The following OIT3 variants were observed in gnomAD, a reference collection of about 807,000 sequenced individuals.
The protein encoded by OIT3 is oncoprotein induced transcript 3, also known as oncoprotein-induced transcript 3 protein.
Under a neutral mutation model 52.2 loss-of-function variants are expected in OIT3, and 41 were observed. That is an observed-to-expected ratio of 0.79 (90% CI 0.61 to 1.02). OIT3 has a LOEUF of 1.02. Among genes scored for constraint, OIT3 ranks in the 50% least tolerant of loss-of-function variants. The pLI is 0.00. For synonymous variants in OIT3, 244 were observed against 276.9 expected (o/e 0.88, Z 1.18); for missense variants, 634 against 715.5 (o/e 0.89, Z 1.30).
intron 3 of OIT3, among the ~76,000 whole-genome samples, chr10:72,901,708 G>T (rs1319097454): frequency 6.6e-6 from 1 of 152,014 alleles, no homozygotes; most frequent in Non-Finnish European, 1.5e-5. Context: ...CGACATCCTG[G>T]GCCCAAGTAG....
chr10:72,910,984 AT>A (rs886125800), intron 4 of OIT3, among the ~76,000 whole-genome samples: 37 of 149,592 alleles, frequency 2.5e-4, no homozygotes, highest in African/African-American at 6.4e-4. Context: ...CACAAAGGTC[AT>A]TTTTTTTTTC....
In OIT3 at chr10:72,918,523, C is replaced by T. The variant is rs186817599; in HGVS notation, c.951+5055C>T. On this transcript the variant is annotated intron_variant, in intron 6 of 8. Transcript: ENST00000334011. ...TCAGGAGGCTCATGTCCATGTCCATCGAATCTTCCATCGGGTGGCGGCACA... is the reference window on the plus strand; with the variant it reads ...TCAGGAGGCTCATGTCCATGTCCATTGAATCTTCCATCGGGTGGCGGCACA... 19 of 1,415,558 alleles carry T rather than the reference C, an allele frequency of 1.3e-5. No individual in the cohort carries two copies. In the African/African-American group the frequency reaches 1.5e-4, roughly 11 times the overall value. 87.7% of individuals were successfully genotyped at this position (1,415,558 alleles called of 1,614,324 possible).
At chr10:72,930,481 GT>G in intron 7 of OIT3, 56 bp from the exon 8 acceptor site, 1 of 1,318,914 alleles carries the variant, frequency 7.6e-7, no homozygotes, top group Non-Finnish European at 1.1e-6. Flanking sequence ...GGGTTAGATT[GT>G]TTTTCCACCT....
At chr10:72,908,919 TA>T (rs59056530) in intron 4 of OIT3, among the ~76,000 whole-genome samples, 9 of 151,106 alleles carry the variant, frequency 6.0e-5, no homozygotes, top group East Asian at 5.8e-4. Flanking sequence ...TCTTTTTTTT[TA>T]AAAAAAAGGC....
Position 72,905,846 on chromosome 10 carries a change from C to G in OIT3, c.545-750C>G, listed in dbSNP as rs542447707. Among the ~76,000 whole-genome samples the G allele has an allele frequency of 4.6e-5, 7 of 152,304 alleles. No individual in the cohort carries two copies. The South Asian group carries it at 1.5e-3, about 32-fold the overall frequency. On this transcript the variant is annotated intron_variant, in intron 3 of 8. Transcript: ENST00000334011. ...CTAGACTTAAGCAGGGTTTCAGTCA[C>G]AGCTTATCTCCTCTCCTGGGGCCAA...
At position 72,932,579 on chromosome 10, in the gene OIT3, T is replaced by TC; in HGVS notation, c.*61dup. On this transcript the variant is annotated 3_prime_UTR_variant, in exon 9 of 9. Coordinates refer to ENST00000334011, the MANE Select transcript of OIT3 (RefSeq NM_152635.3). ...GGACGGCTCTGCTCTTTGGAGCTTC[T>TC]CCCCCCACCGCCCTCTAAGAACATC... 3 of 1,475,204 alleles carry TC rather than the reference T, an allele frequency of 2.0e-6. No individual in the cohort carries two copies. Among genetic ancestry groups the TC allele is most frequent in the Non-Finnish European group, 2.7e-6 (3 of 1,092,912 alleles). 91.4% of individuals were successfully genotyped at this position (1,475,204 alleles called of 1,614,324 possible). A position where few individuals can be genotyped will look rare whatever the true frequency, so the allele number is the denominator to read the frequency against.
intron 1 of OIT3, 72 bp downstream of exon 1, chr10:72,893,931 T>A: frequency 9.4e-7 from 1 of 1,060,760 alleles, no homozygotes; most frequent in Non-Finnish European, 1.4e-6. Flanking sequence ...TACAGATGAT[T>A]AAGAACTAGA....
At chr10:72,931,109 G>C (rs1313228086) in intron 8 of OIT3, among the ~76,000 whole-genome samples, 1 of 152,042 alleles carries the variant, frequency 6.6e-6, no homozygotes, top group Non-Finnish European at 1.5e-5. Flanking sequence ...ACACTTACAA[G>C]GTTATAGGGA....
rs769713678 is a variant in OIT3, at chr10:72,898,907, G to C, written c.305G>C (p.Arg102Pro). 4 of 1,614,194 alleles carry C rather than the reference G, an allele frequency of 2.5e-6. No individual in the cohort carries two copies. Among genetic ancestry groups the C allele is most frequent in the Non-Finnish European group, 2.5e-6 (3 of 1,180,038 alleles). ...HPLEGDGIVQ[R>P]QACASFNGNC... ...CTAGAAGGCGACGGCATTGTGCAAC[G>C]CCAGGCTTGTGCCAGCTTCAATGGG... is the stretch of plus-strand genomic sequence containing the variant. The change falls in exon 2 of 9, where the codon CGC becomes CCC. Residue 102 changes from arginine (R) to proline (P), a missense_variant. Coordinates refer to ENST00000334011, the MANE Select transcript of OIT3 (RefSeq NM_152635.3).
rs1293435967 is a variant in OIT3, at chr10:72,898,940, G to A, written c.338G>A (p.Cys113Tyr). The change falls in exon 2 of 9, where the codon TGT becomes TAT. Residue 113 changes from cysteine (C) to tyrosine (Y), a missense_variant. Physicochemically the swap from Cys to Tyr is radical, Grantham distance 194. Transcript: ENST00000334011. ...TGTGCCAGCTTCAATGGGAACTGCT[G>A]TCTCTGGAACACCACGGTGGAAGTC... ...QACASFNGNC[C>Y]LWNTTVEVKA... 2 of 1,614,194 alleles carry A rather than the reference G, an allele frequency of 1.2e-6. No homozygotes were observed. Among genetic ancestry groups the A allele is most frequent in the Non-Finnish European group, 1.7e-6 (2 of 1,180,036 alleles).
intron 4 of OIT3, among the ~76,000 whole-genome samples, chr10:72,910,292 C>G (rs898839108): frequency 3.9e-5 from 6 of 152,088 alleles, no homozygotes; most frequent in Admixed American, 2.6e-4. Context: ...GTGCTTTCTT[C>G]TATAGTATTA....
chr10:72,911,271 G>C (rs1006024655), intron 4 of OIT3, among the ~76,000 whole-genome samples: 1 of 152,144 alleles, frequency 6.6e-6, no homozygotes, highest in African/African-American at 2.4e-5. Flanking sequence ...AGGTGACCCA[G>C]CCAGTCCACA....
At chr10:72,901,917 C>T (rs1404254557) in intron 3 of OIT3, among the ~76,000 whole-genome samples, 1 of 152,074 alleles carries the variant, frequency 6.6e-6, no homozygotes, top group Admixed American at 6.6e-5. Flanking sequence ...TGGCAGCCTT[C>T]CAAAGTAGCT....
chr10:72,927,608 G>A (rs1257752957), intron 7 of OIT3, among the ~76,000 whole-genome samples: 4 of 152,246 alleles, frequency 2.6e-5, no homozygotes, highest in South Asian at 2.1e-4. Flanking sequence ...AAATCATCCC[G>A]TCTGTGGTGC....
chr10:72,901,495 G>C (rs1278639570), intron 3 of OIT3, among the ~76,000 whole-genome samples: 1 of 152,192 alleles, frequency 6.6e-6, no homozygotes, highest in Non-Finnish European at 1.5e-5. Context: ...TTTAAAACAA[G>C]TCTAGAGAGA....
rs755099594 is a variant in OIT3, at chr10:72,924,389, A to G, written c.1112A>G (p.Asn371Ser). The G allele has an allele frequency of 9.9e-6, 16 of 1,613,924 alleles. No homozygotes were observed. The highest frequency in any genetic ancestry group is 2.2e-5 in the East Asian group (1 of 44,882). The change falls in exon 7 of 9, where the codon AAC (asparagine) becomes AGC (serine). Residue 371 changes from asparagine (N) to serine (S), a missense_variant. Transcript: ENST00000334011. ...LYTISEGYVP[N>S]LRNSPLEIMS... is the part of the protein sequence containing the mutation. ...ACCATTTCTGAAGGATACGTTCCCA[A>G]CCTTCGAAACTCCCCACTGGAAATC... is the stretch of plus-strand genomic sequence containing the variant.
intron 7 of OIT3, among the ~76,000 whole-genome samples, chr10:72,927,035 A>G (rs1481487366): frequency 6.6e-6 from 1 of 152,244 alleles, no homozygotes; most frequent in Non-Finnish European, 1.5e-5. Flanking sequence ...GAATATAATC[A>G]TAACTCACTG....
Position 72,913,316 on chromosome 10 carries a change from T to G in OIT3, c.799T>G (p.Leu267Val), listed in dbSNP as rs1032850717. Reference sequence around the variant, plus strand: ...GCCCTTTTTCTCTGCAGTCCCTGTGTTGTGCAAATCAAATGCCATTGAAGT... The same window carrying G: ...GCCCTTTTTCTCTGCAGTCCCTGTGGTGTGCAAATCAAATGCCATTGAAGT... ...EDNHTCQVPVLCKSNAIEVNI... is the reference protein window; with the variant it reads ...EDNHTCQVPVVCKSNAIEVNI... The change falls in exon 6 of 9, where the codon TTG (leucine) becomes GTG (valine). Residue 267 changes from leucine (L) to valine (V), a missense_variant. Physicochemically the swap from Leu to Val is conservative, Grantham distance 32 (BLOSUM62 1). Transcript: ENST00000334011. 1.2e-5 allele frequency: 19 copies of G among 1,605,474 alleles called. No individual in the cohort carries two copies. Among genetic ancestry groups the G allele is most frequent in the African/African-American group, 2.7e-5 (2 of 74,774 alleles).
At position 72,924,511 on chromosome 10, in the gene OIT3, C is replaced by T. The variant is rs771357317; in HGVS notation, c.1234C>T (p.Leu412Phe). The T allele has an allele frequency of 1.2e-6, 2 of 1,614,220 alleles. No individual in the cohort carries two copies. The highest frequency in any genetic ancestry group is 4.5e-5 in the East Asian group (2 of 44,874). ...PYREALPTLK[L>F]RDSLYFGIEP... is the part of the protein sequence containing the mutation. Reference sequence around the variant, plus strand: ...CCGGGAAGCTCTGCCCACCCTCAAGCTTCGTGACTCCCTCTACTTTGGCAT... The same window carrying T: ...CCGGGAAGCTCTGCCCACCCTCAAGTTTCGTGACTCCCTCTACTTTGGCAT... The change falls in exon 7 of 9, where the codon CTT (leucine) becomes TTT (phenylalanine). Residue 412 changes from leucine (L) to phenylalanine (F), a missense_variant. Physicochemically the swap from Leu to Phe is conservative, Grantham distance 22. Transcript: ENST00000334011.
Sources: allele counts gnomAD v4.1 joint callset (sites outside exome capture counted in the v4.1 genomes callset), GRCh38; gene constraint gnomAD v4.1.1; transcripts MANE v1.5; gene names NCBI Gene and HGNC (gene_info 2026-07-23, HGNC 2026-07-21).